The following ST6GALNAC5 variants were observed in gnomAD, a reference collection of about 807,000 sequenced individuals.
The protein encoded by ST6GALNAC5 is alpha-N-acetylgalactosaminide alpha-2,6-sialyltransferase 5.
In ST6GALNAC5, 27 loss-of-function variants were observed where a neutral mutation model predicts 33.6. That is an observed-to-expected ratio of 0.80 (90% CI 0.59 to 1.11). The LOEUF is 1.11. ST6GALNAC5 is among the 50% of genes least tolerant of loss of function. The pLI is 0.00. For missense variants in ST6GALNAC5, 428 were observed against 454.0 expected, an observed-to-expected ratio of 0.94 and a Z score of 0.52; for synonymous variants, 194 against 171.2, an observed-to-expected ratio of 1.13 and a Z score of -1.04.
At chr1:77,023,648 G>A (rs182093507) in intron 2 of ST6GALNAC5, among the ~76,000 whole-genome samples, 3 of 152,314 alleles carry the variant, frequency 2.0e-5, no homozygotes, top group Admixed American at 6.5e-5. Context: ...AAGGAGGCAG[G>A]AGCCTTCACA....
At chr1:76,974,700 T>A (rs1648925448) in intron 2 of ST6GALNAC5, among the ~76,000 whole-genome samples, 1 of 8,612 alleles carries the variant, frequency 1.2e-4, no homozygotes, top group African/African-American at 1.0e-3. Context: ...GCTTGCAGTA[T>A]GAAATATAAG....
chr1:77,008,217 T>C (rs1039582796), intron 2 of ST6GALNAC5, among the ~76,000 whole-genome samples: 1 of 152,224 alleles, frequency 6.6e-6, no homozygotes, highest in African/African-American at 2.4e-5. Flanking sequence ...ACTCACTTCA[T>C]GCACAAGAGC....
intron 3 of ST6GALNAC5, among the ~76,000 whole-genome samples, chr1:77,048,319 T>C (rs1652083956): frequency 6.6e-6 from 1 of 152,224 alleles, no homozygotes; most frequent in African/African-American, 2.4e-5. Flanking sequence ...ATTAGGCTCC[T>C]GAAGCTGTAA....
chr1:76,867,929 G>A (rs532651044), intron 1 of ST6GALNAC5, among the ~76,000 whole-genome samples: 1 of 152,192 alleles, frequency 6.6e-6, no homozygotes, highest in Non-Finnish European at 1.5e-5. Context: ...TCCGGCGAGA[G>A]GTCCGAGGGG....
At chr1:77,042,867 G>T (rs1372970814) in intron 2 of ST6GALNAC5, among the ~76,000 whole-genome samples, 1 of 152,100 alleles carries the variant, frequency 6.6e-6, no homozygotes, top group African/African-American at 2.4e-5. Context: ...ACTTGTGGAG[G>T]TTAGTGTCTT....
intron 2 of ST6GALNAC5, among the ~76,000 whole-genome samples, chr1:77,042,329 A>T (rs1651857774): frequency 6.6e-6 from 1 of 152,088 alleles, no homozygotes; most frequent in African/African-American, 2.4e-5. Flanking sequence ...TCCTCTCCTT[A>T]TACTGTATCA....
In ST6GALNAC5 at chr1:77,038,189, T is replaced by G. The variant is rs147789685; in HGVS notation, c.262-6015T>G. Among the ~76,000 whole-genome samples the G allele has an allele frequency of 7.3e-4, 111 of 152,320 alleles. No homozygotes were observed. The East Asian group carries it at 0.01, about 14-fold the overall frequency. On this transcript the variant is annotated intron_variant, in intron 2 of 4. Coordinates refer to ENST00000477717, the MANE Select transcript of ST6GALNAC5 (RefSeq NM_030965.3). ...AGATGGAAATCAGATGAGGTGGCAT[T>G]CACTGGGTGGAGACAGAAAGACTTC... is the stretch of plus-strand genomic sequence containing the variant.
intron 2 of ST6GALNAC5, among the ~76,000 whole-genome samples, chr1:76,873,167 T>G (rs578243851): frequency 3.3e-5 from 5 of 152,284 alleles, no homozygotes; most frequent in Admixed American, 6.5e-5. Flanking sequence ...TGCTCTTCTC[T>G]CTTCCTGGAA....
At position 76,893,848 on chromosome 1, in the gene ST6GALNAC5, A is replaced by T. The variant is rs547313434; in HGVS notation, c.261+25106A>T. Among the ~76,000 whole-genome samples the T allele has an allele frequency of 2.0e-5, 3 of 152,194 alleles. No homozygotes were observed. In the South Asian group the frequency reaches 6.2e-4, roughly 32 times the overall value. On this transcript the variant is annotated intron_variant, in intron 2 of 4. Transcript: ENST00000477717. Reference sequence around the variant, plus strand: ...GCTAATTTTTGCATTTTTTGTAGAGACAGGGTTTCACCATATTGGTCAGGC... The same window carrying T: ...GCTAATTTTTGCATTTTTTGTAGAGTCAGGGTTTCACCATATTGGTCAGGC...
Position 77,063,003 on chromosome 1 carries a change from C to G in ST6GALNAC5, c.808C>G (p.His270Asp). Residue 270 changes from histidine (H) to aspartate (D), a missense_variant, in exon 5 of 5, where the codon CAT (histidine) becomes GAT (aspartate). Physicochemically the swap from His to Asp is moderately conservative, Grantham distance 81. Coordinates refer to ENST00000477717, the MANE Select transcript of ST6GALNAC5 (RefSeq NM_030965.3). ...RDPNHPSVPY[H>D]YYEPFGPDEC... is the part of the protein sequence containing the mutation. ...TCCCAATCACCCTTCAGTACCTTATCATTATTATGAACCTTTTGGACCTGA... is the reference window on the plus strand; with the variant it reads ...TCCCAATCACCCTTCAGTACCTTATGATTATTATGAACCTTTTGGACCTGA... The G allele has an allele frequency of 6.2e-7, 1 of 1,613,866 alleles. No homozygotes were observed. Among genetic ancestry groups the G allele is most frequent in the Admixed American group, 1.7e-5 (1 of 59,990 alleles).
At chr1:77,015,226 T>C (rs1394473662) in intron 2 of ST6GALNAC5, among the ~76,000 whole-genome samples, 2 of 152,134 alleles carry the variant, frequency 1.3e-5, no homozygotes, top group African/African-American at 4.8e-5. Flanking sequence ...GCTGATGATA[T>C]AAATCCCAGT....
intron 2 of ST6GALNAC5, among the ~76,000 whole-genome samples, chr1:76,992,334 A>G (rs998398028): frequency 6.6e-6 from 1 of 152,174 alleles, no homozygotes; most frequent in Non-Finnish European, 1.5e-5. Flanking sequence ...ACCTATGTCA[A>G]GATCTGCTGC....
At chr1:76,881,058 T>G (rs1653767746) in intron 2 of ST6GALNAC5, among the ~76,000 whole-genome samples, 1 of 152,156 alleles carries the variant, frequency 6.6e-6, no homozygotes, top group South Asian at 2.1e-4. Context: ...AACCTCTTAT[T>G]CACCTACTAT....
chr1:77,017,227 T>C (rs1032064054), intron 2 of ST6GALNAC5, among the ~76,000 whole-genome samples: 2 of 151,620 alleles, frequency 1.3e-5, no homozygotes, highest in Non-Finnish European at 2.9e-5. Context: ...GGGACACTTC[T>C]AGTGAGTGCA....
chr1:76,982,647 C>T (rs749659335), intron 2 of ST6GALNAC5, among the ~76,000 whole-genome samples: 4 of 152,090 alleles, frequency 2.6e-5, no homozygotes, highest in African/African-American at 4.8e-5. Flanking sequence ...CATTCAAATT[C>T]GGGAAATACA....
chr1:76,973,267 G>A (rs1251361504), intron 2 of ST6GALNAC5, among the ~76,000 whole-genome samples: 2 of 151,802 alleles, frequency 1.3e-5, no homozygotes, highest in African/African-American at 4.8e-5. Context: ...TATTTAAAAG[G>A]AATCAGCTCA....
intron 2 of ST6GALNAC5, among the ~76,000 whole-genome samples, chr1:77,015,580 T>C (rs1650799838): frequency 6.6e-6 from 1 of 152,178 alleles, no homozygotes; most frequent in East Asian, 1.9e-4. Context: ...AGTAGTCTAG[T>C]GGAGGAGACA....
intron 2 of ST6GALNAC5, among the ~76,000 whole-genome samples, chr1:76,975,305 A>G (rs934879552): frequency 1.3e-5 from 2 of 152,160 alleles, no homozygotes; most frequent in Non-Finnish European, 2.9e-5. Context: ...GATCATTCAA[A>G]TGATTTTTTG....
intron 2 of ST6GALNAC5, among the ~76,000 whole-genome samples, chr1:76,911,561 T>C (rs1646911834): frequency 6.6e-6 from 1 of 152,132 alleles, no homozygotes. Context: ...CGGCTGTGAA[T>C]CCATCTGGTC....
Sources: allele counts gnomAD v4.1 joint callset (sites outside exome capture counted in the v4.1 genomes callset), GRCh38; gene constraint gnomAD v4.1.1; transcripts MANE v1.5; gene names NCBI Gene and HGNC (gene_info 2026-07-23, HGNC 2026-07-21).